The following NAXD variants were observed in gnomAD, a reference collection of about 807,000 sequenced individuals.
NAXD encodes NAD(P)HX dehydratase, also known as ATP-dependent (S)-NAD(P)H-hydrate dehydratase.
Under a neutral mutation model 35.8 loss-of-function variants are expected in NAXD, and 22 were observed. That is an observed-to-expected ratio of 0.62 (90% CI 0.44 to 0.88). NAXD has a LOEUF of 0.88. NAXD is among the 40% of genes least tolerant of loss of function. The pLI, the probability that NAXD is intolerant of heterozygous loss-of-function variation, is 0.00. For missense variants in NAXD, 428 were observed against 437.7 expected, an observed-to-expected ratio of 0.98 and a Z score of 0.20; for synonymous variants, 189 against 177.6, an observed-to-expected ratio of 1.06 and a Z score of -0.51.
At chr13:110,621,340 T>C (rs1886255229) in intron 1 of NAXD, among the ~76,000 whole-genome samples, 1 of 152,242 alleles carries the variant, frequency 6.6e-6, no homozygotes, top group Admixed American at 6.5e-5. Context: ...TGATAAAACT[T>C]TCTGGAAAAT....
chr13:110,630,210 G>A (rs1352970382), intron 5 of NAXD, among the ~76,000 whole-genome samples: 1 of 151,990 alleles, frequency 6.6e-6, no homozygotes, highest in African/African-American at 2.4e-5. Context: ...TGTATTTTTA[G>A]TAGAGATGGG....
intron 5 of NAXD, among the ~76,000 whole-genome samples, chr13:110,629,203 C>T (rs556910818): frequency 2.6e-5 from 4 of 152,218 alleles, no homozygotes; most frequent in Admixed American, 2.6e-4. Flanking sequence ...GATTCCTATT[C>T]ATAGCCCCAT....
Position 110,624,411 on chromosome 13 carries a change from C to T in NAXD, c.243+132C>T, listed in dbSNP as rs998096566. 3 of 642,218 alleles carry T rather than the reference C, an allele frequency of 4.7e-6. No homozygotes were observed. The African/African-American group carries it at 5.5e-5, about 12-fold the overall frequency. The allele number at this position is 642,218 out of a possible 1,614,324, so 39.8% of individuals were successfully genotyped here. On this transcript the variant is annotated intron_variant, in intron 3 of 9. Coordinates refer to ENST00000680254, the MANE Select transcript of NAXD (RefSeq NM_001242882.2). ...AGGGTAATCATAGCTAATAGAAACA[C>T]CGTTAAGTCTATCCTGACATCTGTG...
At position 110,628,683 on chromosome 13, in the gene NAXD, C is replaced by A. The variant is rs751112404; in HGVS notation, c.441+1136C>A. Among the ~76,000 whole-genome samples the A allele has an allele frequency of 6.6e-6, 1 of 151,990 alleles. No homozygotes were observed. Among genetic ancestry groups the A allele is most frequent in the Non-Finnish European group, 1.5e-5 (1 of 68,010 alleles). ...CGTCTTTGAGCTTTAAGGTCTTACC[C>A]GCTCACCGGGAAGGAGGAGGTGGCC... On this transcript the variant is annotated intron_variant, in intron 5 of 9. Transcript: ENST00000680254. This position sits in a 1 kb window ranked among gnomAD's most constrained non-coding sequence, Gnocchi z 4.1.
intron 2 of NAXD, among the ~76,000 whole-genome samples, chr13:110,623,695 G>C (rs976501703): frequency 6.6e-6 from 1 of 152,236 alleles, no homozygotes; most frequent in African/African-American, 2.4e-5. Flanking sequence ...ATGCATGAAG[G>C]TTTTATGTAA....
chr13:110,632,964 T>G (rs1194257340), intron 5 of NAXD, among the ~76,000 whole-genome samples: 1 of 152,216 alleles, frequency 6.6e-6, no homozygotes, highest in Non-Finnish European at 1.5e-5. Flanking sequence ...CCAGCTGGCT[T>G]CACCCAGTGG....
At chr13:110,630,915 G>A (rs1333731064) in intron 5 of NAXD, among the ~76,000 whole-genome samples, 1 of 152,214 alleles carries the variant, frequency 6.6e-6, no homozygotes, top group Non-Finnish European at 1.5e-5. Flanking sequence ...GGCTGTGTAG[G>A]AAGCCTTGAC....
chr13:110,632,882 G>T (rs1363555976), intron 5 of NAXD, among the ~76,000 whole-genome samples: 1 of 151,574 alleles, frequency 6.6e-6, no homozygotes, highest in Non-Finnish European at 1.5e-5. Flanking sequence ...TAGACACAGG[G>T]TGCTGATTGG....
At chr13:110,631,461 A>C (rs1170959904) in intron 5 of NAXD, among the ~76,000 whole-genome samples, 3 of 152,112 alleles carry the variant, frequency 2.0e-5, no homozygotes, top group Admixed American at 1.3e-4. Flanking sequence ...CTAGTGTACC[A>C]AGGTTTGCTT....
At position 110,625,195 on chromosome 13, in the gene NAXD, A is replaced by C. The variant is rs542394328; in HGVS notation, c.249A>C (p.Ala83=). The change falls in exon 4 of 10, where the codon GCA becomes GCC. Residue 83 remains alanine (A), a synonymous_variant. Transcript: ENST00000680254. ...FAAISALKVG[A]DLSHVFCASA... The stretch of plus-strand genomic sequence containing the variant: ...CTCTTGTGCTCCTTCATCAGGGCGC[A>C]GACTTGTCCCACGTGTTCTGTGCCA... 1.2e-6 allele frequency: 2 copies of C among 1,613,658 alleles called. No homozygotes were observed. Among genetic ancestry groups the C allele is most frequent in the African/African-American group, 2.7e-5 (2 of 75,056 alleles).
rs909906346 is a variant in NAXD, at chr13:110,637,228, C to A, written c.818C>A (p.Ala273Asp). 1 of 1,614,074 alleles carries A rather than the reference C, an allele frequency of 6.2e-7. No individual in the cohort carries two copies. Among genetic ancestry groups the A allele is most frequent in the Non-Finnish European group, 8.5e-7 (1 of 1,179,980 alleles). ...GTCCTGGTACACTGGGCGCTCCTTG[C>A]TGGACCACAGAAAACAAATGGGTAA... Reference protein sequence around the residue: ...LGVLVHWALLAGPQKTNGSSP... With the variant: ...LGVLVHWALLDGPQKTNGSSP... Residue 273 changes from alanine to aspartate, a missense_variant, in exon 9 of 10, where the codon GCT (alanine) becomes GAT (aspartate). Ala to Asp is a moderately radical substitution (Grantham distance 126, BLOSUM62 -2). Coordinates refer to ENST00000680254, the MANE Select transcript of NAXD (RefSeq NM_001242882.2).
Position 110,622,294 on chromosome 13 carries a change from T to G in NAXD, c.125T>G (p.Ile42Ser), listed in dbSNP as rs375475057. 5 of 1,614,180 alleles carry G rather than the reference T, an allele frequency of 3.1e-6. No individual in the cohort carries two copies. The highest frequency in any genetic ancestry group is 3.4e-6 in the Non-Finnish European group (4 of 1,180,010). The change falls in exon 2 of 10, where the codon ATC becomes AGC. Residue 42 changes from isoleucine to serine, a missense_variant. Physicochemically the swap from Ile to Ser is moderately radical, Grantham distance 142. Transcript: ENST00000680254. Reference protein sequence around the residue: ...MENTLQLVRNIIPPLSSTKHK... With the variant: ...MENTLQLVRNSIPPLSSTKHK... ...AATACTTTGCAGCTGGTGAGAAATA[T>G]CATACCTCCTCTGTCTTCCACAAAG...
chr13:110,617,455 G>A lies in NAXD; in HGVS notation c.46+1808G>A, dbSNP rs113642964. On this transcript the variant is annotated intron_variant, in intron 1 of 9. Transcript: ENST00000680254. ...GATCTTTATATGTAAATGTTTCTGT[G>A]TTAACATTTGAAATGTTAAGTTCAA... Among the ~76,000 whole-genome samples the A allele has an allele frequency of 3.2e-3, 487 of 152,282 alleles. 7 individuals are homozygous for A. Among genetic ancestry groups the A allele is most frequent in the African/African-American group, 0.011 (471 of 41,564 alleles).
intron 1 of NAXD, 198 bp downstream of exon 1, chr13:110,615,845 G>A (rs1027469846): frequency 1.6e-6 from 2 of 1,243,996 alleles, no homozygotes; most frequent in Non-Finnish European, 2.0e-6. Context: ...CCGCGCGCGG[G>A]GCCGGGGCGC....
chr13:110,634,761 A>ACTGTATG lies in NAXD; in HGVS notation c.583_589dup (p.Asp197AlafsTer3). 1 of 1,613,480 alleles carries ACTGTATG rather than the reference A, an allele frequency of 6.2e-7. No individual in the cohort carries two copies. The highest frequency in any genetic ancestry group is 8.5e-7 in the Non-Finnish European group (1 of 1,179,522). On this transcript the variant is annotated frameshift_variant, in exon 7 of 10. Coordinates refer to ENST00000680254, the MANE Select transcript of NAXD (RefSeq NM_001242882.2). LOFTEE classifies it high-confidence loss of function. Reference sequence around the variant, plus strand: ...CTCCCAACCACGTGGAGTTCAGCAGACTGTATGACGCTGTGGTGAGTCAGT... The same window carrying ACTGTATG: ...CTCCCAACCACGTGGAGTTCAGCAGACTGTATGCTGTATGACGCTGTGGTGAGTCAGT...
At chr13:110,635,426 AG>A (rs775222558) in intron 7 of NAXD, 41 bp from the exon 8 acceptor site, 22 of 1,604,688 alleles carry the variant, frequency 1.4e-5, no homozygotes, top group Non-Finnish European at 1.9e-5. Flanking sequence ...CGTGTGTCTG[AG>A]GAAGACTTTG....
chr13:110,615,636 C>T lies in NAXD; in HGVS notation c.35C>T (p.Ala12Val), dbSNP rs553877471. ...ALGPRCGAIR[A>V]CRRVLERAFS... ...GGTCCTCGCTGTGGGGCAATCCGGG[C>T]TTGCAGACGAGGTAAGGTCGATTCC... The change falls in exon 1 of 10, where the codon GCT becomes GTT. Residue 12 changes from alanine to valine, a missense_variant. Transcript: ENST00000680254. 16 of 1,490,416 alleles carry T rather than the reference C, an allele frequency of 1.1e-5. No individual in the cohort carries two copies. Among genetic ancestry groups the T allele is most frequent in the Middle Eastern group, 1.7e-4 (1 of 5,852 alleles). The allele number at this position is 1,490,416 out of a possible 1,614,324, so 92.3% of individuals were successfully genotyped here.
Position 110,631,855 on chromosome 13 carries a change from A to G in NAXD, c.442-2690A>G, listed in dbSNP as rs539621850. 2.0e-5 allele frequency among the ~76,000 whole-genome samples: 3 copies of G among 152,328 alleles called. No individual in the cohort carries two copies. The East Asian group carries it at 5.8e-4, about 29-fold the overall frequency. On this transcript the variant is annotated intron_variant, in intron 5 of 9. Coordinates refer to ENST00000680254, the MANE Select transcript of NAXD (RefSeq NM_001242882.2). ...GCTCGGACCAGTGTCAGAGCCAAAT[A>G]CACACTTTCCTATGGCTGGAATGTG...
Position 110,624,226 on chromosome 13 carries a change from CT to C in NAXD, c.198-3del. 2.5e-6 allele frequency: 4 copies of C among 1,596,370 alleles called. No individual in the cohort carries two copies. Among genetic ancestry groups the C allele is most frequent in the Non-Finnish European group, 1.7e-6 (2 of 1,165,730 alleles). On this transcript the variant is annotated splice_polypyrimidine_tract_variant and splice_region_variant and intron_variant, in intron 2 of 9. Coordinates refer to ENST00000680254, the MANE Select transcript of NAXD (RefSeq NM_001242882.2). ...AGAAGTTTTTGACTCTAAATACCTT[CT>C]TTTTAGGTACACTGGAGCCCCATAT...
Sources: allele counts gnomAD v4.1 joint callset (sites outside exome capture counted in the v4.1 genomes callset), GRCh38; gene constraint gnomAD v4.1.1; non-coding constraint Gnocchi (gnomAD v3.1); transcripts MANE v1.5; gene names NCBI Gene and HGNC (gene_info 2026-07-23, HGNC 2026-07-21).